Variants in PTPRD observed in about 807,000 individuals in gnomAD.
PTPRD encodes receptor-type tyrosine-protein phosphatase delta.
PTPRD carries 34 observed loss-of-function variants against 214.5 expected under a neutral mutation model. That is an observed-to-expected ratio of 0.16 (90% CI 0.12 to 0.21). The LOEUF is 0.21. Ranked by LOEUF, PTPRD falls within the 10% of genes least tolerant of loss-of-function variation. The pLI is 1.00. For synonymous variants in PTPRD, 1,128 were observed against 845.7 expected, an observed-to-expected ratio of 1.33 and a Z score of -5.79; for missense variants, 2,545 against 2,398.7, an observed-to-expected ratio of 1.06 and a Z score of -1.27.
rs200250207 is a variant in PTPRD at position 10,358,441 on chromosome 9, GT to G, written c.-599-17425del. On this transcript the variant is annotated intron_variant, in intron 2 of 45. Coordinates refer to ENST00000381196, the MANE Select transcript of PTPRD (RefSeq NM_002839.4). The stretch of plus-strand genomic sequence containing the variant: ...TTCATTGATCAATGAAGCAATCTTT[GT>G]TTTAACATCTAATTACAAATATTAG... Among the ~76,000 whole-genome samples the G allele has an allele frequency of 2.5e-3, 380 of 151,918 alleles. 3 individuals carry two copies. The highest frequency in any genetic ancestry group is 8.8e-3 in the African/African-American group (367 of 41,496).
chr9:9,527,025 AAATAT>A (rs1040529502), intron 8 of PTPRD, among the ~76,000 whole-genome samples: 3 of 152,148 alleles, frequency 2.0e-5, no homozygotes, highest in Non-Finnish European at 4.4e-5. Context: ...TTGCCAAGTA[AAATAT>A]AATATTTAAT....
At chr9:9,176,726 G>T (rs1434524973) in intron 10 of PTPRD, among the ~76,000 whole-genome samples, 1 of 152,128 alleles carries the variant, frequency 6.6e-6, no homozygotes, top group Non-Finnish European at 1.5e-5. Flanking sequence ...TACTCTTTCA[G>T]TCTCATGAAA....
chr9:10,573,906 C>T (rs777213147), intron 2 of PTPRD, among the ~76,000 whole-genome samples: 4 of 151,992 alleles, frequency 2.6e-5, no homozygotes, highest in Admixed American at 2.6e-4. Flanking sequence ...AACAAAACTG[C>T]ACATTCTGCA....
At chr9:9,197,747 C>G (rs1311512234) in intron 9 of PTPRD, among the ~76,000 whole-genome samples, 1 of 152,206 alleles carries the variant, frequency 6.6e-6, no homozygotes, top group African/African-American at 2.4e-5. Context: ...TTCCAGTCTA[C>G]TCTGGCTTCC....
chr9:8,806,257 G>T (rs934758115), intron 11 of PTPRD, among the ~76,000 whole-genome samples: 1 of 150,478 alleles, frequency 6.6e-6, no homozygotes, highest in Non-Finnish European at 1.5e-5. Flanking sequence ...TGGGGCGGGG[G>T]GGGGATTTTT....
chr9:9,155,402 G>T (rs775209311), intron 10 of PTPRD, among the ~76,000 whole-genome samples: 2 of 152,014 alleles, frequency 1.3e-5, no homozygotes, highest in Non-Finnish European at 2.9e-5. Context: ...CTTGAGGGAG[G>T]GGTAGGCGAA....
chr9:8,888,569 A>C (rs2154234956), intron 11 of PTPRD, among the ~76,000 whole-genome samples: 1 of 152,342 alleles, frequency 6.6e-6, no homozygotes, highest in Non-Finnish European at 1.5e-5. Flanking sequence ...CTTTTATGAA[A>C]GGTTTCCCAA....
At chr9:9,066,419 T>A (rs989380455) in intron 10 of PTPRD, among the ~76,000 whole-genome samples, 1 of 152,328 alleles carries the variant, frequency 6.6e-6, no homozygotes, top group East Asian at 1.9e-4. Flanking sequence ...AATTTGGCCA[T>A]CTTTTAATTA....
At chr9:8,676,453 G>A (rs192852160) in intron 12 of PTPRD, among the ~76,000 whole-genome samples, 1 of 149,200 alleles carries the variant, frequency 6.7e-6, no homozygotes, top group African/African-American at 2.5e-5. Context: ...TGTGATCTCG[G>A]CTCACTACAA....
intron 4 of PTPRD, among the ~76,000 whole-genome samples, chr9:9,942,390 A>G (rs1252035193): frequency 1.3e-5 from 2 of 152,094 alleles, no homozygotes; most frequent in African/African-American, 4.8e-5. Context: ...CCATAATTTA[A>G]CCAGCACTCT....
chr9:8,789,544 G>A (rs182208438), intron 11 of PTPRD, among the ~76,000 whole-genome samples: 2 of 152,068 alleles, frequency 1.3e-5, no homozygotes, highest in Non-Finnish European at 2.9e-5. Flanking sequence ...TGTCTTCTTT[G>A]GTGTTTGTTT....
chr9:8,578,423 G>C (rs997623382), intron 14 of PTPRD, among the ~76,000 whole-genome samples: 1 of 151,810 alleles, frequency 6.6e-6, no homozygotes, highest in Non-Finnish European at 1.5e-5. Flanking sequence ...AAAACATTTC[G>C]TATATAACTG....
intron 7 of PTPRD, among the ~76,000 whole-genome samples, chr9:9,716,127 G>C (rs1460370297): frequency 6.6e-6 from 1 of 151,954 alleles, no homozygotes; most frequent in African/African-American, 2.4e-5. Context: ...TCTTGCGATA[G>C]TTTACTGAGA....
chr9:10,225,413 A>C (rs2099585560), intron 3 of PTPRD, among the ~76,000 whole-genome samples: 1 of 152,012 alleles, frequency 6.6e-6, no homozygotes, highest in South Asian at 2.1e-4. Flanking sequence ...CAGTCCGCTT[A>C]TTTTACTTTC....
At chr9:9,729,541 C>T (rs555409056) in intron 7 of PTPRD, among the ~76,000 whole-genome samples, 5 of 152,142 alleles carry the variant, frequency 3.3e-5, no homozygotes, top group Admixed American at 6.6e-5. Context: ...GTATCACTCT[C>T]ACCATCCTTA....
At chr9:9,742,843 A>G (rs2098418029) in intron 6 of PTPRD, among the ~76,000 whole-genome samples, 1 of 152,154 alleles carries the variant, frequency 6.6e-6, no homozygotes, top group Admixed American at 6.5e-5. Context: ...AAATTCAACT[A>G]CTATTGCTAA....
chr9:9,751,789 G>A (rs934441607), intron 6 of PTPRD, among the ~76,000 whole-genome samples: 7 of 152,066 alleles, frequency 4.6e-5, no homozygotes, highest in African/African-American at 1.7e-4. Context: ...AATAATCAAT[G>A]TCTGTTGTTT....
intron 9 of PTPRD, among the ~76,000 whole-genome samples, chr9:9,233,783 C>A (rs1018074280): frequency 6.6e-6 from 1 of 152,218 alleles, no homozygotes; most frequent in Non-Finnish European, 1.5e-5. Flanking sequence ...CTCCTTAACG[C>A]CATGTCTCAC....
intron 2 of PTPRD, among the ~76,000 whole-genome samples, chr9:10,551,974 C>A (rs537293540): frequency 1.7e-4 from 26 of 152,168 alleles, no homozygotes; most frequent in Admixed American, 3.9e-4. Flanking sequence ...ACTTTGCATG[C>A]ATGTTTTCAA....
Sources: allele counts gnomAD v4.1 joint callset (sites outside exome capture counted in the v4.1 genomes callset), GRCh38; gene constraint gnomAD v4.1.1; transcripts MANE v1.5; gene names NCBI Gene and HGNC (gene_info 2026-07-23, HGNC 2026-07-21).